Variants in ECSIT observed in about 807,000 individuals in gnomAD.
The protein encoded by ECSIT is ECSIT signaling integrator.
Under a neutral mutation model 36.8 loss-of-function variants are expected in ECSIT, and 29 were observed. The observed-to-expected ratio is 0.79, with a 90% confidence interval of 0.59 to 1.08. The LOEUF is 1.08. Among genes scored for constraint, ECSIT ranks in the 50% least tolerant of loss-of-function variants. The probability of loss-of-function intolerance (pLI) is 0.00; values close to 1 mark genes in which losing one functional copy is unlikely to be tolerated. For synonymous variants in ECSIT, 231 were observed against 234.8 expected (o/e 0.98, Z 0.15); for missense variants, 542 against 581.0 (o/e 0.93, Z 0.69).
chr19:11,524,932 T>A (rs548089692), intron 1 of ECSIT, among the ~76,000 whole-genome samples: 7 of 146,222 alleles, frequency 4.8e-5, no homozygotes, highest in Middle Eastern at 4.2e-3. Flanking sequence ...AGGTCAGGAG[T>A]TCAAGACCAG....
chr19:11,515,309 T>A (rs1056281351), intron 2 of ECSIT, among the ~76,000 whole-genome samples: 1 of 151,396 alleles, frequency 6.6e-6, no homozygotes, highest in Non-Finnish European at 1.5e-5. Context: ...TTCACTGTGT[T>A]AGTCAGGATG....
In ECSIT at chr19:11,507,765, C is replaced by T; in HGVS notation, c.882G>A (p.Trp294Ter). 6.2e-7 allele frequency: 1 copy of T among 1,614,132 alleles called. No individual in the cohort carries two copies. Among genetic ancestry groups the T allele is most frequent in the South Asian group, 1.1e-5 (1 of 91,090 alleles). Residue 294 changes from tryptophan to a stop codon, truncating the protein, a stop_gained, in exon 6 of 8, where the codon TGG (tryptophan) becomes TGA (stop). Coordinates refer to ENST00000270517, the MANE Select transcript of ECSIT (RefSeq NM_016581.5). LOFTEE classifies it high-confidence loss of function. ...PVFVEGPFSL[W>*]LRNKCVYYHI... ...GGTAATACACACACTTGTTGCGGAG[C>T]CACAGGGAGAAGGGGCCCTCAACAA... is the stretch of plus-strand genomic sequence containing the variant.
chr19:11,524,648 GAA>G (rs112878977), intron 1 of ECSIT, among the ~76,000 whole-genome samples: 1 of 129,034 alleles, frequency 7.7e-6, no homozygotes, highest in African/African-American at 2.8e-5. Flanking sequence ...ACAGCAAAAA[GAA>G]AAAAAAAAAA....
Position 11,513,286 on chromosome 19 carries a change from T to C in ECSIT, c.515-7A>G. Reference sequence around the variant, plus strand: ...TCCTTGTTGGGCATCACACCTGTGCTGGGCAGATGCAGGCAGAACCTCAGA... The same window carrying C: ...TCCTTGTTGGGCATCACACCTGTGCCGGGCAGATGCAGGCAGAACCTCAGA... On this transcript the variant is annotated splice_polypyrimidine_tract_variant and splice_region_variant and intron_variant, in intron 3 of 7. Coordinates refer to ENST00000270517, the MANE Select transcript of ECSIT (RefSeq NM_016581.5). 1 of 1,613,020 alleles carries C rather than the reference T, an allele frequency of 6.2e-7. No homozygotes were observed. The highest frequency in any genetic ancestry group is 1.3e-5 in the African/African-American group (1 of 74,856).
intron 2 of ECSIT, among the ~76,000 whole-genome samples, chr19:11,518,356 G>C (rs1209693004): frequency 2.6e-5 from 4 of 152,040 alleles, no homozygotes; most frequent in Admixed American, 2.6e-4. Context: ...GAACCCAGGA[G>C]GCAGAGGTTG....
In ECSIT at chr19:11,507,774, G is replaced by A; in HGVS notation, c.873C>T (p.Phe291=). ...CACACTTGTTGCGGAGCCACAGGGA[G>A]AAGGGGCCCTCAACAAAGACAGGCC... The part of the protein sequence containing the change: ...PARPVFVEGP[F]SLWLRNKCVY... The change falls in exon 6 of 8, where the codon TTC becomes TTT. Residue 291 remains phenylalanine (F), a synonymous_variant. Transcript: ENST00000270517. The A allele has an allele frequency of 6.2e-7, 1 of 1,614,160 alleles. No homozygotes were observed. The highest frequency in any genetic ancestry group is 8.5e-7 in the Non-Finnish European group (1 of 1,180,052).
chr19:11,525,118 CA>C (rs1161698263), intron 1 of ECSIT, among the ~76,000 whole-genome samples: 1 of 152,052 alleles, frequency 6.6e-6, no homozygotes, highest in Non-Finnish European at 1.5e-5. Flanking sequence ...GCCTGGGCAA[CA>C]GAGTGCAACT....
intron 2 of ECSIT, among the ~76,000 whole-genome samples, chr19:11,514,737 G>T (rs1971955008): frequency 6.6e-6 from 1 of 152,032 alleles, no homozygotes. Flanking sequence ...TGCCCAGGTT[G>T]GTCTTGAACG....
At chr19:11,524,250 A>G (rs1386348851) in intron 1 of ECSIT, among the ~76,000 whole-genome samples, 1 of 147,268 alleles carries the variant, frequency 6.8e-6, no homozygotes, top group Non-Finnish European at 1.5e-5. Context: ...GTAGCCTGGC[A>G]GGGTGGCTCA....
In ECSIT at chr19:11,513,327, G is replaced by A. The variant is rs201570623; in HGVS notation, c.515-48C>T. ...GAACCTCAGAGATGGAGGGGGAGGA[G>A]GGAAGGGAAGAGGAGAAAAGAAAAC... On this transcript the variant is annotated intron_variant, in intron 3 of 7. Transcript: ENST00000270517. The A allele has an allele frequency of 1.7e-4, 256 of 1,482,650 alleles. 2 individuals carry two copies. In the African/African-American group the frequency reaches 2.9e-3, roughly 17 times the overall value. 91.8% of individuals were successfully genotyped at this position (1,482,650 alleles called of 1,614,324 possible).
intron 1 of ECSIT, among the ~76,000 whole-genome samples, chr19:11,527,064 C>T (rs1341703722): frequency 4.6e-5 from 7 of 152,130 alleles, no homozygotes; most frequent in East Asian, 1.9e-4. Context: ...CTGTGGCTCA[C>T]GCCTGTAATC....
chr19:11,519,259 G>T lies in ECSIT; in HGVS notation c.-23-66C>A. On this transcript the variant is annotated intron_variant, in intron 1 of 7. Coordinates refer to ENST00000270517, the MANE Select transcript of ECSIT (RefSeq NM_016581.5). The surrounding 1 kb of genome is among the most constrained non-coding windows in gnomAD (Gnocchi z 4.4). Reference sequence around the variant, plus strand: ...AGATGCTAACAGACGCAAGGGCCCCGCAGGGTCGAGGGCACACTCCAGATT... The same window carrying T: ...AGATGCTAACAGACGCAAGGGCCCCTCAGGGTCGAGGGCACACTCCAGATT... 9.1e-7 allele frequency: 1 copy of T among 1,094,320 alleles called. No homozygotes were observed. Among genetic ancestry groups the T allele is most frequent in the Non-Finnish European group, 1.3e-6 (1 of 743,314 alleles). 67.8% of individuals were successfully genotyped at this position (1,094,320 alleles called of 1,614,324 possible). A position where few individuals can be genotyped will look rare whatever the true frequency, so the allele number is the denominator to read the frequency against.
Position 11,506,596 on chromosome 19 carries a change from G to A in ECSIT, c.1052-168C>T, listed in dbSNP as rs1038185348. 2.7e-5 allele frequency among the ~76,000 whole-genome samples: 4 copies of A among 146,636 alleles called. No homozygotes were observed. The South Asian group carries it at 8.5e-4, about 31-fold the overall frequency. On this transcript the variant is annotated intron_variant, in intron 7 of 7. Coordinates refer to ENST00000270517, the MANE Select transcript of ECSIT (RefSeq NM_016581.5). ...GTCACCCAGGCTGGAGTGCAGTGGC[G>A]AGATCTCGGCTCACTGCAACATCCG...
At chr19:11,507,302 A>G (rs1196945706) in intron 7 of ECSIT, among the ~76,000 whole-genome samples, 155 bp downstream of exon 7, 16 of 120,510 alleles carry the variant, frequency 1.3e-4, no homozygotes, top group Non-Finnish European at 2.2e-4. Flanking sequence ...TTTTTTTTTG[A>G]CACAGGGTCT....
chr19:11,508,052 C>T lies in ECSIT; in HGVS notation c.739-4G>A. ...TTGAGTCTTTGGGCAAAGGAACCTG[C>T]AAGGGAGAGTAGGGATATAATCTTG... is the stretch of plus-strand genomic sequence containing the variant. On this transcript the variant is annotated splice_region_variant and splice_polypyrimidine_tract_variant and intron_variant, in intron 4 of 7. Coordinates refer to ENST00000270517, the MANE Select transcript of ECSIT (RefSeq NM_016581.5). 1 of 1,614,000 alleles carries T rather than the reference C, an allele frequency of 6.2e-7. No individual in the cohort carries two copies. The highest frequency in any genetic ancestry group is 8.5e-7 in the Non-Finnish European group (1 of 1,179,976).
chr19:11,507,707 C>A lies in ECSIT; in HGVS notation c.940G>T (p.Glu314Ter). The change falls in exon 6 of 8, where the codon GAG (glutamate) becomes TAG (stop). Residue 314 changes from glutamate (E) to a stop codon, truncating the protein, a stop_gained. Transcript: ENST00000270517. LOFTEE classifies it high-confidence loss of function. ...ILRADLLPPE[E>*]REVEETPEEW... ...GCTTTGCTTTAAGCCCTCACCCTCT[C>A]CTCCGGGGGCAGCAAGTCAGCTCTG... 1 of 1,614,156 alleles carries A rather than the reference C, an allele frequency of 6.2e-7. No individual in the cohort carries two copies. Among genetic ancestry groups the A allele is most frequent in the Non-Finnish European group, 8.5e-7 (1 of 1,180,048 alleles).
intron 1 of ECSIT, among the ~76,000 whole-genome samples, chr19:11,525,922 A>G (rs1377632389): frequency 6.6e-6 from 1 of 151,828 alleles, no homozygotes; most frequent in African/African-American, 2.4e-5. Flanking sequence ...TCTCAAAAAA[A>G]AAGCAAAATC....
rs778626825 is a variant in ECSIT, at chr19:11,506,313, C to A, written c.1167G>T (p.Val389=). Residue 389 remains valine (V), a synonymous_variant, in exon 8 of 8, where the codon GTG becomes GTT. Transcript: ENST00000270517. The part of the protein sequence containing the change: ...ETNPTLAQIP[V]VFRLAGSTRE... ...GGGTGGACCCGGCGAGGCGGAAGAC[C>A]ACGGGGATCTGGGCCAGGGTTGGGT... 3.7e-6 allele frequency: 6 copies of A among 1,613,160 alleles called. No homozygotes were observed. The highest frequency in any genetic ancestry group is 4.2e-6 in the Non-Finnish European group (5 of 1,179,882).
At chr19:11,526,089 C>T (rs1435054179) in intron 1 of ECSIT, among the ~76,000 whole-genome samples, 2 of 151,920 alleles carry the variant, frequency 1.3e-5, no homozygotes, top group East Asian at 2.0e-4. Context: ...CTCAGCCTCC[C>T]GAGTAGCTGG....
Sources: allele counts gnomAD v4.1 joint callset (sites outside exome capture counted in the v4.1 genomes callset), GRCh38; gene constraint gnomAD v4.1.1; non-coding constraint Gnocchi (gnomAD v3.1); transcripts MANE v1.5; gene names NCBI Gene and HGNC (gene_info 2026-07-23, HGNC 2026-07-21).